Variants in ASB15 observed in about 807,000 individuals in gnomAD.
ASB15 encodes ankyrin repeat and SOCS box containing 15.
In ASB15, 54 loss-of-function variants were observed where a neutral mutation model predicts 58.0. That is an observed-to-expected ratio of 0.93 (90% CI 0.75 to 1.17). ASB15 has a LOEUF of 1.17. ASB15 is among the 50% of genes most tolerant of loss of function. The probability of loss-of-function intolerance (pLI) is 0.00; values close to 1 mark genes in which losing one functional copy is unlikely to be tolerated. For synonymous variants in ASB15, 249 were observed against 262.4 expected, an observed-to-expected ratio of 0.95 and a Z score of 0.50; for missense variants, 680 against 707.4, an observed-to-expected ratio of 0.96 and a Z score of 0.44.
intron 1 of ASB15, among the ~76,000 whole-genome samples, chr7:123,578,806 A>G (rs1799143403): frequency 6.6e-6 from 1 of 152,124 alleles, no homozygotes; most frequent in Non-Finnish European, 1.5e-5. Context: ...CTATTTTATA[A>G]AGTCTTATTT....
chr7:123,571,993 G>A (rs537974761), intron 1 of ASB15, among the ~76,000 whole-genome samples: 3 of 151,970 alleles, frequency 2.0e-5, no homozygotes, highest in Admixed American at 6.6e-5. Flanking sequence ...TAGGGATCTT[G>A]CCCAGGCTAG....
intron 1 of ASB15, among the ~76,000 whole-genome samples, chr7:123,568,386 G>A (rs1798816501): frequency 6.6e-6 from 1 of 152,002 alleles, no homozygotes; most frequent in Non-Finnish European, 1.5e-5. Context: ...CGGGCATGGT[G>A]GCGCATGCTT....
At chr7:123,607,755 C>T (rs990272765) in intron 2 of ASB15, among the ~76,000 whole-genome samples, 4 of 152,114 alleles carry the variant, frequency 2.6e-5, no homozygotes, top group Admixed American at 1.3e-4. Flanking sequence ...CCAAAGTCCT[C>T]GGATTACAGG....
intron 11 of ASB15, among the ~76,000 whole-genome samples, chr7:123,634,105 C>G (rs924330184): frequency 6.6e-6 from 1 of 151,876 alleles, no homozygotes; most frequent in Non-Finnish European, 1.5e-5. Flanking sequence ...CACAGGTAAA[C>G]ATTTATCATG....
intron 1 of ASB15, among the ~76,000 whole-genome samples, chr7:123,575,943 A>G (rs1799053274): frequency 6.6e-6 from 1 of 150,618 alleles, no homozygotes; most frequent in Admixed American, 6.6e-5. Context: ...CTTTTATTTC[A>G]GGAAAATTTT....
At chr7:123,570,211 A>G (rs1046612941) in intron 1 of ASB15, among the ~76,000 whole-genome samples, 2 of 150,974 alleles carry the variant, frequency 1.3e-5, no homozygotes, top group African/African-American at 4.9e-5. Flanking sequence ...ATTTTTTTGT[A>G]TTTTTTAGTA....
At chr7:123,572,914 C>G (rs1395332142) in intron 1 of ASB15, among the ~76,000 whole-genome samples, 2 of 151,112 alleles carry the variant, frequency 1.3e-5, no homozygotes, top group African/African-American at 2.4e-5. Flanking sequence ...TTTCTTTTTT[C>G]TCTTTTTTGT....
chr7:123,568,769 C>T (rs186295888), intron 1 of ASB15, among the ~76,000 whole-genome samples: 32 of 151,858 alleles, frequency 2.1e-4, no homozygotes, highest in African/African-American at 5.8e-4. Context: ...TGAGAATATA[C>T]AAATCAACAA....
chr7:123,626,717 T>C (rs760661467), intron 8 of ASB15, among the ~76,000 whole-genome samples: 18 of 151,842 alleles, frequency 1.2e-4, no homozygotes, highest in Non-Finnish European at 1.8e-4. Context: ...ACACAACAGG[T>C]TTTGTGGGGG....
intron 1 of ASB15, among the ~76,000 whole-genome samples, chr7:123,590,577 A>G: frequency 6.6e-6 from 1 of 152,192 alleles, no homozygotes; most frequent in East Asian, 1.9e-4. Flanking sequence ...TTAAATAGGG[A>G]ATCCTTTCCC....
chr7:123,619,431 T>C (rs1801080646), intron 7 of ASB15, among the ~76,000 whole-genome samples: 2 of 152,206 alleles, frequency 1.3e-5, no homozygotes, highest in South Asian at 4.1e-4. Flanking sequence ...GCCTTGAGGG[T>C]TGTATAGGGG....
rs1471108271 is a variant in ASB15 at position 123,639,178 on chromosome 7, A to C, written c.*2197A>C. The C allele has an allele frequency of 1.3e-5, 2 of 151,810 alleles. No individual in the cohort carries two copies. Among genetic ancestry groups the C allele is most frequent in the African/African-American group, 4.8e-5 (2 of 41,388 alleles). The allele number at this position is 151,810 out of a possible 1,614,324, so 9.4% of individuals were successfully genotyped here. On this transcript the variant is annotated 3_prime_UTR_variant, in exon 12 of 12. Transcript: ENST00000451215. ...TATCTCACTGGTCTGTAAAGTTTTC[A>C]AGTTGTATTTAGCTTTAGTTACCTT...
At chr7:123,598,217 A>G (rs1212140098), upstream of ASB15, among the ~76,000 whole-genome samples, 1 of 152,310 alleles carries the variant, frequency 6.6e-6, no homozygotes, top group Non-Finnish European at 1.5e-5. Flanking sequence ...TATCTAGACT[A>G]TAAGTCCTGT....
chr7:123,577,370 A>C (rs1799094756), intron 1 of ASB15, among the ~76,000 whole-genome samples: 1 of 152,180 alleles, frequency 6.6e-6, no homozygotes, highest in Non-Finnish European at 1.5e-5. Context: ...TTTACATAAA[A>C]TGCTTCTGTA....
intron 1 of ASB15, among the ~76,000 whole-genome samples, chr7:123,572,333 G>T (rs564432285): frequency 3.6e-4 from 55 of 151,206 alleles, no homozygotes; most frequent in African/African-American, 1.2e-3. Flanking sequence ...GTAGAGACAG[G>T]TTTCACCATG....
Position 123,605,363 on chromosome 7 carries a change from G to A in ASB15, c.-64+1151G>A, listed in dbSNP as rs556160620. On this transcript the variant is annotated intron_variant, in intron 2 of 11. Coordinates refer to ENST00000451215, the MANE Select transcript of ASB15 (RefSeq NM_001290258.2). ...AAATAACAGATGCTGGCGAGGTTAT[G>A]GAGAAAAGGGAATGCTTATACAATG... Among the ~76,000 whole-genome samples, 10 of 152,258 alleles carry A rather than the reference G, an allele frequency of 6.6e-5. No individual in the cohort carries two copies. The East Asian group carries it at 1.4e-3, about 21-fold the overall frequency.
chr7:123,580,334 G>A (rs2116314533), intron 1 of ASB15, among the ~76,000 whole-genome samples: 1 of 152,128 alleles, frequency 6.6e-6, no homozygotes, highest in South Asian at 2.1e-4. Context: ...TGCTTGTTAA[G>A]TTTTTGGTTT....
chr7:123,629,287 G>T lies in ASB15; in HGVS notation c.1293G>T (p.Met431Ile), dbSNP rs369173243. 2 of 1,614,162 alleles carry T rather than the reference G, an allele frequency of 1.2e-6. No homozygotes were observed. Among genetic ancestry groups the T allele is most frequent in the Non-Finnish European group, 1.7e-6 (2 of 1,180,000 alleles). Residue 431 changes from methionine (M) to isoleucine (I), a missense_variant, in exon 10 of 12, where the codon ATG becomes ATT. Met to Ile is a conservative substitution (Grantham distance 10). Coordinates refer to ENST00000451215, the MANE Select transcript of ASB15 (RefSeq NM_001290258.2). Reference protein sequence around the residue: ...VIQYALNDEVMLRLLLNNGYQ... With the variant: ...VIQYALNDEVILRLLLNNGYQ... ...AATATGCTCTAAACGACGAGGTAAT[G>T]CTGAGGCTATTGCTGAATAATGGCT...
intron 1 of ASB15, among the ~76,000 whole-genome samples, chr7:123,574,824 T>G (rs1199451618): frequency 6.6e-6 from 1 of 152,156 alleles, no homozygotes; most frequent in Non-Finnish European, 1.5e-5. Context: ...TTTAAGTAGT[T>G]CCATGATTGT....
Sources: allele counts gnomAD v4.1 joint callset (sites outside exome capture counted in the v4.1 genomes callset), GRCh38; gene constraint gnomAD v4.1.1; transcripts MANE v1.5; gene names NCBI Gene and HGNC (gene_info 2026-07-23, HGNC 2026-07-21).